CD99: variants seen among roughly 807,000 people sequenced by gnomAD.
The protein encoded by CD99 is CD99 antigen.
In CD99, 19 loss-of-function variants were observed where a neutral mutation model predicts 28.4. The observed-to-expected ratio is 0.67, with a 90% CI of 0.47 to 0.98. The LOEUF is 0.98. Among genes scored for constraint, CD99 ranks in the 50% least tolerant of loss-of-function variants. The pLI is 0.00. For synonymous variants in CD99, 103 were observed against 92.1 expected, an observed-to-expected ratio of 1.12 and a Z score of -0.67; for missense variants, 283 against 248.8, an observed-to-expected ratio of 1.14 and a Z score of -0.92.
At chrX:2,703,623 TG>T (rs2047982605) in intron 1 of CD99, among the ~76,000 whole-genome samples, 2 of 147,680 alleles carry the variant, frequency 1.4e-5, no homozygotes, top group African/African-American at 5.2e-5. Context: ...TGTGTGTGTG[TG>T]TGTGTGTGTG....
chrX:2,722,143 C>A (rs866024049), intron 5 of CD99, among the ~76,000 whole-genome samples: 7 of 145,670 alleles, frequency 4.8e-5, no homozygotes, highest in East Asian at 1.9e-4. Flanking sequence ...AAAAAAAAAA[C>A]AAACCTGCAT....
chrX:2,712,832 C>T (rs1319204031), intron 1 of CD99, among the ~76,000 whole-genome samples: 1 of 152,106 alleles, frequency 6.6e-6, no homozygotes. Context: ...TATGTACATA[C>T]TCAAAACACA....
intron 1 of CD99, among the ~76,000 whole-genome samples, chrX:2,712,046 AAAG>A (rs1413006999): frequency 1.3e-5 from 2 of 152,122 alleles, no homozygotes; most frequent in Non-Finnish European, 2.9e-5. Flanking sequence ...CAAAAAGAAA[AAAG>A]AAGGAAGTCC....
chrX:2,709,379 C>G (rs1373835839), intron 1 of CD99, among the ~76,000 whole-genome samples: 2 of 152,204 alleles, frequency 1.3e-5, no homozygotes, highest in Non-Finnish European at 2.9e-5. Flanking sequence ...AGATAGCACC[C>G]TCACACATAT....
At chrX:2,719,556 A>G (rs540527540) in intron 3 of CD99, 105 bp from the exon 4 acceptor site, 1 of 905,866 alleles carries the variant, frequency 1.1e-6, no homozygotes, top group Non-Finnish European at 1.8e-6. Context: ...TCAGAAAAGT[A>G]TTTAGGAATG....
intron 4 of CD99, 72 bp from the exon 5 acceptor site, chrX:2,720,282 CTG>C: frequency 1.5e-6 from 2 of 1,339,844 alleles, no homozygotes; most frequent in East Asian, 4.6e-5. Flanking sequence ...AGGGAACCAT[CTG>C]TGTGTAAACT....
intron 1 of CD99, chrX:2,691,848 GC>G (rs1373117555): frequency 6.4e-6 from 5 of 777,938 alleles, no homozygotes; most frequent in Middle Eastern, 2.2e-4. Flanking sequence ...GCCTGTCACA[GC>G]CACGCCCTGC....
At chrX:2,694,107 C>T (rs1329511586) in intron 1 of CD99, among the ~76,000 whole-genome samples, 2 of 152,110 alleles carry the variant, frequency 1.3e-5, no homozygotes, top group Non-Finnish European at 2.9e-5. Context: ...CGCACACATC[C>T]GATGCATCCC....
intron 8 of CD99, among the ~76,000 whole-genome samples, chrX:2,734,620 CTT>C (rs768456773): frequency 3.2e-4 from 45 of 142,520 alleles, no homozygotes; most frequent in Admixed American, 3.1e-3. Flanking sequence ...TTTCTTTTTT[CTT>C]TTTTTTTTTC....
rs139449116 is a variant in CD99 at position 2,704,099 on chromosome X, G to A, written c.68-10323G>A. Among the ~76,000 whole-genome samples the A allele has an allele frequency of 2.4e-3, 371 of 152,216 alleles. 1 individual carries two copies. Among genetic ancestry groups the A allele is most frequent in the African/African-American group, 8.1e-3 (337 of 41,522 alleles). On this transcript the variant is annotated intron_variant, in intron 1 of 9. Transcript: ENST00000381192. The stretch of plus-strand genomic sequence containing the variant: ...CTGGGGGTGAGACCCAGGATTCCAC[G>A]TCTCCCCAGGTCCCTCGCAGGGCGA...
chrX:2,725,438 GATTTAA>G (rs2049224572), intron 7 of CD99, among the ~76,000 whole-genome samples: 2 of 152,188 alleles, frequency 1.3e-5, no homozygotes, highest in African/African-American at 4.8e-5. Context: ...AATAGAGATA[GATTTAA>G]AATGTCTGCA....
chrX:2,717,579 CTA>C (rs767920720), intron 2 of CD99, 24 bp from the exon 3 acceptor site: 11 of 1,598,232 alleles, frequency 6.9e-6, no homozygotes, highest in Non-Finnish European at 9.4e-6. Context: ...GCAACTTTTA[CTA>C]ACTGAAATAT....
chrX:2,741,292 AAAG>A lies in CD99; in HGVS notation c.*491_*493del, dbSNP rs1417781466. 1 of 154,616 alleles carries A rather than the reference AAAG, an allele frequency of 6.5e-6. No individual in the cohort carries two copies. Among genetic ancestry groups the A allele is most frequent in the African/African-American group, 2.4e-5 (1 of 41,562 alleles). The allele number at this position is 154,616 out of a possible 1,614,324, so 9.6% of individuals were successfully genotyped here. A position where few individuals can be genotyped will look rare whatever the true frequency, so the allele number is the denominator to read the frequency against. On this transcript the variant is annotated 3_prime_UTR_variant, in exon 10 of 10. Coordinates refer to ENST00000381192, the MANE Select transcript of CD99 (RefSeq NM_002414.5). ...TTTGTTTTTCATATCAGACTAATAAAAAGAAATTAGAAACCAAGTACTTTTTTT... is the reference window on the plus strand; with the variant it reads ...TTTGTTTTTCATATCAGACTAATAAAAAATTAGAAACCAAGTACTTTTTTT...
At chrX:2,738,639 T>A (rs1288279362) in intron 9 of CD99, among the ~76,000 whole-genome samples, 1 of 151,620 alleles carries the variant, frequency 6.6e-6, no homozygotes, top group Non-Finnish European at 1.5e-5. Flanking sequence ...GCAAGAGAAC[T>A]GCTTGAACCT....
intron 1 of CD99, among the ~76,000 whole-genome samples, chrX:2,694,482 G>A (rs147846476): frequency 6.7e-6 from 1 of 148,418 alleles, no homozygotes; most frequent in African/African-American, 2.5e-5. Flanking sequence ...CGAGCACGGT[G>A]ACTCAGGCCT....
chrX:2,692,244 A>G, intron 1 of CD99: 1 of 132,700 alleles, frequency 7.5e-6, no homozygotes, highest in Non-Finnish European at 1.5e-5. Flanking sequence ...TTCTTTTTTC[A>G]TGTTATAAAT....
intron 1 of CD99, among the ~76,000 whole-genome samples, chrX:2,694,186 A>C (rs955412864): frequency 1.5e-3 from 229 of 152,126 alleles, no homozygotes; most frequent in Admixed American, 2.0e-3. Flanking sequence ...GCGGTTTGAA[A>C]AACTCCAAAC....
At chrX:2,717,802 A>G in intron 3 of CD99, 150 bp downstream of exon 3, 4 of 676,510 alleles carry the variant, frequency 5.9e-6, no homozygotes, top group Non-Finnish European at 1.1e-5. Context: ...GAATTGTGTT[A>G]TGATGTTACA....
rs2048941509 is a variant in CD99 at position 2,720,519 on chromosome X, G to A, written c.262+95G>A. 2.1e-5 allele frequency: 25 copies of A among 1,172,800 alleles called. 1 individual carries two copies. In the South Asian group the frequency reaches 2.6e-4, roughly 12 times the overall value. 72.6% of individuals were successfully genotyped at this position (1,172,800 alleles called of 1,614,324 possible). The stretch of plus-strand genomic sequence containing the variant: ...AGGAGGTGATTTCAGATGAGTGTGT[G>A]CTTACTGTTGACTGCCTGTGCAGTG... On this transcript the variant is annotated intron_variant, in intron 5 of 9. Transcript: ENST00000381192.
Sources: allele counts gnomAD v4.1 joint callset (sites outside exome capture counted in the v4.1 genomes callset), GRCh38; gene constraint gnomAD v4.1.1; transcripts MANE v1.5; gene names NCBI Gene and HGNC (gene_info 2026-07-23, HGNC 2026-07-21).